UQCC1: variants seen among roughly 807,000 people sequenced by gnomAD.
The protein encoded by UQCC1 is ubiquinol-cytochrome c reductase complex assembly factor 1.
Under a neutral mutation model 48.0 loss-of-function variants are expected in UQCC1, and 38 were observed. The observed-to-expected ratio is 0.79, with a 90% CI of 0.61 to 1.04. The LOEUF is 1.04. UQCC1 is among the 50% of genes least tolerant of loss of function. The pLI, the probability that UQCC1 is intolerant of heterozygous loss-of-function variation, is 0.00. For synonymous variants in UQCC1, 111 were observed against 129.2 expected, an observed-to-expected ratio of 0.86 and a Z score of 0.95; for missense variants, 368 against 381.8, an observed-to-expected ratio of 0.96 and a Z score of 0.30.
chr20:35,378,140 C>A (rs536259809), intron 4 of UQCC1, among the ~76,000 whole-genome samples: 108 of 152,280 alleles, frequency 7.1e-4, no homozygotes, highest in Admixed American at 2.2e-3. Context: ...TGGATGACTT[C>A]ATATTTATTT....
rs2060888040 is a variant in UQCC1 at position 35,303,099 on chromosome 20, GTTCTC to G, written c.*831_*835del. 6.6e-6 allele frequency: 1 copy of G among 152,208 alleles called. No homozygotes were observed. Among genetic ancestry groups the G allele is most frequent in the Non-Finnish European group, 1.5e-5 (1 of 68,050 alleles). The allele number at this position is 152,208 out of a possible 1,614,324, so 9.4% of individuals were successfully genotyped here. A position where few individuals can be genotyped will look rare whatever the true frequency, so the allele number is the denominator to read the frequency against. ...CTGCTACAACTAAGCCAGGAGGAAT[GTTCTC>G]TTCTCCCCAGTATCTCATGAAAGGG... On this transcript the variant is annotated 3_prime_UTR_variant, in exon 10 of 10. Coordinates refer to ENST00000374385, the MANE Select transcript of UQCC1 (RefSeq NM_018244.5).
intron 9 of UQCC1, among the ~76,000 whole-genome samples, chr20:35,304,957 C>T (rs1466472767): frequency 6.6e-6 from 1 of 152,196 alleles, no homozygotes; most frequent in Non-Finnish European, 1.5e-5. Flanking sequence ...TCCATTTCTG[C>T]CCCCAGTGCC....
chr20:35,371,527 T>G (rs1251969759), intron 5 of UQCC1, among the ~76,000 whole-genome samples: 1 of 151,652 alleles, frequency 6.6e-6, no homozygotes, highest in Non-Finnish European at 1.5e-5. Context: ...GGTGGGGGTT[T>G]CACCATGTTG....
Position 35,411,973 on chromosome 20 carries a change from T to C in UQCC1, c.-10A>G. ...GCACCAGCAACGCCATGTTCCTCAA[T>C]AACCATTTCCGGGTGAAGAGTGAGT... On this transcript the variant is annotated 5_prime_UTR_variant, in exon 1 of 10. Transcript: ENST00000374385. The C allele has an allele frequency of 6.2e-7, 1 of 1,614,220 alleles. No homozygotes were observed.
At chr20:35,309,154 G>A (rs1400487800) in intron 8 of UQCC1, 2 of 456,044 alleles carry the variant, frequency 4.4e-6, no homozygotes, top group Non-Finnish European at 4.4e-6. Context: ...GGCATAGAGT[G>A]GGAGAGCAAT....
At chr20:35,410,573 T>C (rs551854489) in intron 1 of UQCC1, among the ~76,000 whole-genome samples, 65 of 146,986 alleles carry the variant, frequency 4.4e-4, no homozygotes, top group Non-Finnish European at 8.6e-4. Flanking sequence ...TGTGGTGTGG[T>C]GCATGCCTGT....
chr20:35,386,358 C>T (rs1177469153), intron 2 of UQCC1: 1 of 454,656 alleles, frequency 2.2e-6, no homozygotes, highest in East Asian at 7.0e-5. Context: ...AAATGGAACA[C>T]ATGGAATGAA....
intron 6 of UQCC1, among the ~76,000 whole-genome samples, chr20:35,361,989 A>G (rs1209054489): frequency 6.6e-6 from 1 of 152,170 alleles, no homozygotes; most frequent in African/African-American, 2.4e-5. Context: ...CTGCACTGAG[A>G]AGGTACTAGT....
At chr20:35,321,128 A>C (rs904637099) in intron 7 of UQCC1, among the ~76,000 whole-genome samples, 1 of 152,240 alleles carries the variant, frequency 6.6e-6, no homozygotes, top group Non-Finnish European at 1.5e-5. Flanking sequence ...GTAAGAGTAG[A>C]CAGACAAGAG....
At chr20:35,404,185 C>T (rs950050526) in intron 1 of UQCC1, among the ~76,000 whole-genome samples, 18 of 151,868 alleles carry the variant, frequency 1.2e-4, no homozygotes, top group African/African-American at 9.7e-5. Flanking sequence ...ATCGAGACCA[C>T]GGTGAAATGC....
rs2060900911 is a variant in UQCC1, at chr20:35,304,069, T to A, written c.766A>T (p.Ile256Leu). 2 of 1,613,872 alleles carry A rather than the reference T, an allele frequency of 1.2e-6. No individual in the cohort carries two copies. Among genetic ancestry groups the A allele is most frequent in the African/African-American group, 1.3e-5 (1 of 74,958 alleles). ...ELLVEYVRKQ[I>L]QYLDSMNGED... is the part of the protein sequence containing the mutation. ...CCGTTCATGGAGTCCAGGTACTGTA[T>A]CTGCAACCAGGGGAGGGGGAAGGAG... The change falls in exon 10 of 10, where the codon ATA (isoleucine) becomes TTA (leucine). Residue 256 changes from isoleucine to leucine, a missense_variant and splice_region_variant. Coordinates refer to ENST00000374385, the MANE Select transcript of UQCC1 (RefSeq NM_018244.5).
rs575357525 is a variant in UQCC1 at position 35,387,298 on chromosome 20, T to A, written c.130-3165A>T. On this transcript the variant is annotated intron_variant, in intron 2 of 9. Transcript: ENST00000374385. ...AAGGCTCTGTCTCAAAAAATAAAAA[T>A]AAAAAATAAAAAAACAAGAATGACA... 7.9e-5 allele frequency among the ~76,000 whole-genome samples: 12 copies of A among 151,200 alleles called. No homozygotes were observed. The East Asian group carries it at 2.3e-3, about 29-fold the overall frequency.
chr20:35,304,073 C>A lies in UQCC1; in HGVS notation c.766-4G>T. 2 of 1,613,908 alleles carry A rather than the reference C, an allele frequency of 1.2e-6. No homozygotes were observed. The highest frequency in any genetic ancestry group is 1.7e-6 in the Non-Finnish European group (2 of 1,179,876). ...TCATGGAGTCCAGGTACTGTATCTG[C>A]AACCAGGGGAGGGGGAAGGAGGAAG... On this transcript the variant is annotated splice_region_variant and splice_polypyrimidine_tract_variant and intron_variant, in intron 9 of 9. Coordinates refer to ENST00000374385, the MANE Select transcript of UQCC1 (RefSeq NM_018244.5).
intron 6 of UQCC1, among the ~76,000 whole-genome samples, chr20:35,350,739 G>C (rs2061481593): frequency 6.7e-6 from 1 of 148,688 alleles, no homozygotes; most frequent in East Asian, 2.1e-4. Context: ...GAGATTTACT[G>C]ATGTGATTCG....
chr20:35,333,784 C>A (rs1346262025), intron 7 of UQCC1, among the ~76,000 whole-genome samples: 1 of 152,146 alleles, frequency 6.6e-6, no homozygotes, highest in Non-Finnish European at 1.5e-5. Flanking sequence ...ATAAACAATG[C>A]CAGACTGTGA....
intron 7 of UQCC1, among the ~76,000 whole-genome samples, chr20:35,318,652 T>C (rs2061089493): frequency 6.6e-6 from 1 of 152,182 alleles, no homozygotes. Flanking sequence ...GCTTTTCAGA[T>C]ATCATCACCC....
At chr20:35,338,640 G>GT (rs2061339078) in intron 7 of UQCC1, among the ~76,000 whole-genome samples, 1 of 151,408 alleles carries the variant, frequency 6.6e-6, no homozygotes, top group East Asian at 1.9e-4. Flanking sequence ...AAGGTCAGGA[G>GT]TTTGAGACCC....
At chr20:35,376,976 AAAAG>A (rs991797834) in intron 4 of UQCC1, among the ~76,000 whole-genome samples, 2 of 152,066 alleles carry the variant, frequency 1.3e-5, no homozygotes, top group Non-Finnish European at 2.9e-5. Context: ...AACAAAAAAA[AAAAG>A]AAAAAGAAAA....
At chr20:35,327,979 C>G (rs889499533) in intron 7 of UQCC1, among the ~76,000 whole-genome samples, 2 of 135,214 alleles carry the variant, frequency 1.5e-5, no homozygotes, top group African/African-American at 5.7e-5. Context: ...CCAGCCGGGG[C>G]AACAGAACAA....
Sources: gnomAD v4.1 joint callset for allele counts (sites outside exome capture counted in the v4.1 genomes callset) on GRCh38, gnomAD v4.1.1 for gene constraint, MANE v1.5 for transcripts, NCBI Gene and HGNC (gene_info 2026-07-23, HGNC 2026-07-21) for gene names.